Variants in BABAM2 observed in about 807,000 individuals in gnomAD.
BABAM2 encodes the protein BRISC and BRCA1-A complex member 2.
Under a neutral mutation model 54.7 loss-of-function variants are expected in BABAM2, and 31 were observed. The observed-to-expected ratio is 0.57, with a 90% CI of 0.43 to 0.77. The LOEUF is 0.77. BABAM2 is among the 30% of genes least tolerant of loss of function. The pLI, the probability that BABAM2 is intolerant of heterozygous loss-of-function variation, is 0.00. For missense variants in BABAM2, 364 were observed against 455.8 expected (o/e 0.80, Z 1.83); for synonymous variants, 167 against 162.9 (o/e 1.03, Z -0.19).
At chr2:28,175,434 C>T (rs1427770152) in intron 7 of BABAM2, among the ~76,000 whole-genome samples, 1 of 152,168 alleles carries the variant, frequency 6.6e-6, no homozygotes, top group East Asian at 1.9e-4. Flanking sequence ...TCCCAGTACC[C>T]AAGCATGCCT....
chr2:27,979,557 T>C (rs147581355), intron 3 of BABAM2, among the ~76,000 whole-genome samples: 64 of 152,292 alleles, frequency 4.2e-4, no homozygotes, highest in African/African-American at 1.5e-3. Flanking sequence ...CCACAGTGGC[T>C]GAACTAGTTT....
At position 28,045,813 on chromosome 2, in the gene BABAM2, A is replaced by G; in HGVS notation, c.570+14A>G. On this transcript the variant is annotated intron_variant, in intron 6 of 11. Transcript: ENST00000379624. ...TACCTTCTCAAGGTAAAAATATATG[A>G]TTTTCAGTATGAGAATATAAGTGAG... 2 of 1,588,876 alleles carry G rather than the reference A, an allele frequency of 1.3e-6. No homozygotes were observed. The highest frequency in any genetic ancestry group is 1.7e-6 in the Non-Finnish European group (2 of 1,160,670).
chr2:28,087,476 T>C lies in BABAM2; in HGVS notation c.570+41677T>C, dbSNP rs150396847. On this transcript the variant is annotated intron_variant, in intron 6 of 11. Transcript: ENST00000379624. ...GATCCTTGTAGGAAAACTAGAGATT[T>C]TGATGAATTGCTGGAGGCTGAAGCT... 4.2e-3 allele frequency among the ~76,000 whole-genome samples: 639 copies of C among 152,188 alleles called. 3 individuals carry two copies. The highest frequency in any genetic ancestry group is 0.014 in the Middle Eastern group (4 of 294).
At chr2:28,243,458 G>C (rs1297227504) in intron 9 of BABAM2, among the ~76,000 whole-genome samples, 1 of 152,000 alleles carries the variant, frequency 6.6e-6, no homozygotes, top group Non-Finnish European at 1.5e-5. Flanking sequence ...CTTGAACCCG[G>C]GAGGCGGAGG....
intron 7 of BABAM2, among the ~76,000 whole-genome samples, chr2:28,158,657 A>G (rs1456386756): frequency 6.6e-6 from 1 of 152,190 alleles, no homozygotes; most frequent in East Asian, 1.9e-4. Flanking sequence ...TTGGAAGTCA[A>G]ATTCCTTCTT....
intron 10 of BABAM2, among the ~76,000 whole-genome samples, chr2:28,277,556 A>G (rs757501493): frequency 2.6e-5 from 4 of 152,226 alleles, no homozygotes; most frequent in Non-Finnish European, 5.9e-5. Flanking sequence ...ACAAAGATGT[A>G]TAATGAAAAG....
At chr2:27,992,999 A>C (rs1672888081) in intron 4 of BABAM2, among the ~76,000 whole-genome samples, 1 of 152,132 alleles carries the variant, frequency 6.6e-6, no homozygotes, top group African/African-American at 2.4e-5. Flanking sequence ...TCCTCAGTAC[A>C]TTCTCATCTT....
intron 11 of BABAM2, among the ~76,000 whole-genome samples, chr2:28,305,787 A>T (rs1688467114): frequency 6.6e-6 from 1 of 152,184 alleles, no homozygotes; most frequent in South Asian, 2.1e-4. Flanking sequence ...GATTGGCAAT[A>T]CATTGTTTCT....
intron 7 of BABAM2, among the ~76,000 whole-genome samples, chr2:28,190,272 T>C (rs1211990295): frequency 6.6e-6 from 1 of 152,242 alleles, no homozygotes; most frequent in Non-Finnish European, 1.5e-5. Context: ...CCTACAGTTT[T>C]GGAGACTGGG....
At chr2:27,956,026 C>T (rs1670056336) in intron 3 of BABAM2, among the ~76,000 whole-genome samples, 1 of 151,722 alleles carries the variant, frequency 6.6e-6, no homozygotes, top group African/African-American at 2.4e-5. Flanking sequence ...CCCCAGTTCA[C>T]CTAAGAGAGG....
intron 2 of BABAM2, among the ~76,000 whole-genome samples, chr2:27,900,368 CTTTT>C (rs557118072): frequency 7.2e-6 from 1 of 138,154 alleles, no homozygotes; most frequent in Admixed American, 7.3e-5. Context: ...AGCAAGATTT[CTTTT>C]TTTTTTTTTT....
chr2:28,181,722 C>A (rs1356861376), intron 7 of BABAM2, among the ~76,000 whole-genome samples: 1 of 150,894 alleles, frequency 6.6e-6, no homozygotes, highest in Non-Finnish European at 1.5e-5. Context: ...TCAGTTTTTG[C>A]CATTGAAAGT....
intron 3 of BABAM2, among the ~76,000 whole-genome samples, chr2:27,974,814 G>A (rs1671474698): frequency 6.6e-6 from 1 of 152,060 alleles, no homozygotes; most frequent in Non-Finnish European, 1.5e-5. Context: ...TACCTAATTT[G>A]CGTATAATGA....
chr2:28,260,338 A>G (rs1177682820), intron 10 of BABAM2, among the ~76,000 whole-genome samples: 4 of 111,010 alleles, frequency 3.6e-5, no homozygotes, highest in Non-Finnish European at 5.2e-5. Context: ...GTCTTGCTCT[A>G]TCATCCAGGT....
rs1690743937 is a variant in BABAM2, at chr2:28,329,262, A to C, written c.1089-9188A>C. 6.6e-6 allele frequency among the ~76,000 whole-genome samples: 1 copy of C among 152,170 alleles called. No individual in the cohort carries two copies. The highest frequency in any genetic ancestry group is 6.5e-5 in the Admixed American group (1 of 15,280). On this transcript the variant is annotated intron_variant, in intron 11 of 11. Coordinates refer to ENST00000379624, the MANE Select transcript of BABAM2 (RefSeq NM_199191.3). The surrounding 1 kb of genome is among the most constrained non-coding windows in gnomAD (Gnocchi z 4.2). ...GTCCCCCGACAAAACTGTCTATGGC[A>C]CTTTTTGCTCGGGGCTCTGCAGCGT...
chr2:28,323,883 C>T (rs1293713394), intron 11 of BABAM2, among the ~76,000 whole-genome samples: 1 of 152,210 alleles, frequency 6.6e-6, no homozygotes, highest in Non-Finnish European at 1.5e-5. Flanking sequence ...CCCCCAGACA[C>T]TCAGAGTAGC....
At chr2:28,079,867 C>G (rs1456479506) in intron 6 of BABAM2, among the ~76,000 whole-genome samples, 2 of 152,068 alleles carry the variant, frequency 1.3e-5, no homozygotes, top group African/African-American at 4.8e-5. Flanking sequence ...CCGGAATTAT[C>G]TTAATGTTTT....
chr2:27,888,928 TCAA>T (rs1664624794), upstream of BABAM2, among the ~76,000 whole-genome samples: 2 of 152,246 alleles, frequency 1.3e-5, no homozygotes, highest in Non-Finnish European at 2.9e-5. Context: ...CCAACTAGAT[TCAA>T]TTTTATGCTC....
chr2:28,055,455 A>G (rs1678329576), intron 6 of BABAM2, among the ~76,000 whole-genome samples: 1 of 152,218 alleles, frequency 6.6e-6, no homozygotes, highest in African/African-American at 2.4e-5. Flanking sequence ...AAATTATGAC[A>G]GAGTTATGTT....
Sources: gnomAD v4.1 joint callset for allele counts (sites outside exome capture counted in the v4.1 genomes callset) on GRCh38, gnomAD v4.1.1 for gene constraint, Gnocchi (gnomAD v3.1) non-coding constraint, MANE v1.5 for transcripts, NCBI Gene and HGNC (gene_info 2026-07-23, HGNC 2026-07-21) for gene names.